GAS7: variants seen among roughly 807,000 people sequenced by gnomAD.
The protein encoded by GAS7 is growth arrest-specific protein 7.
A neutral mutation model predicts 71.1 loss-of-function variants in GAS7; 28 were observed. That is an observed-to-expected ratio of 0.39 (90% confidence interval 0.29 to 0.54). GAS7 has a LOEUF of 0.54. GAS7 is among the 20% of genes least tolerant of loss of function. GAS7 has a pLI of 0.62. For synonymous variants in GAS7, 258 were observed against 245.8 expected (o/e 1.05, Z -0.46); for missense variants, 436 against 627.8 (o/e 0.69, Z 3.27).
chr17:10,173,119 G>C (rs935338024), intron 1 of GAS7, among the ~76,000 whole-genome samples: 4 of 152,178 alleles, frequency 2.6e-5, no homozygotes, highest in African/African-American at 9.7e-5. Flanking sequence ...GAAACACCTA[G>C]AATAGGCAGA....
chr17:10,167,044 C>CTTTTTTTTTTTTT lies in GAS7; in HGVS notation c.183+31151_183+31163dup, dbSNP rs1164151104. ...AAACCAATCTACTATTTCCATTTGT[C>CTTTTTTTTTTTTT]TTTTTTTTTTTTTTTTTTTTTTTTT... On this transcript the variant is annotated intron_variant, in intron 1 of 13. Coordinates refer to ENST00000432992, the MANE Select transcript of GAS7 (RefSeq NM_201433.2). 4.4e-3 allele frequency among the ~76,000 whole-genome samples: 259 copies of CTTTTTTTTTTTTT among 58,806 alleles called. 50 individuals carry two copies. The highest frequency in any genetic ancestry group is 6.6e-3 in the East Asian group (13 of 1,966). The allele number at this position is 58,806 out of a possible 152,430, so 38.6% of individuals were successfully genotyped here.
rs1248260454 is a variant in GAS7, at chr17:9,926,528, C to G, written c.1014+113G>C. On this transcript the variant is annotated intron_variant, in intron 10 of 13. Coordinates refer to ENST00000432992, the MANE Select transcript of GAS7 (RefSeq NM_201433.2). This position sits in a 1 kb window ranked among gnomAD's most constrained non-coding sequence, Gnocchi z 5.0. The stretch of plus-strand genomic sequence containing the variant: ...CTTGGACATCCCCCTATTCCCCTAC[C>G]TGGGGACAAAGACTCAGCCTTGGCG... 4 of 1,158,238 alleles carry G rather than the reference C, an allele frequency of 3.5e-6. No homozygotes were observed. Among genetic ancestry groups the G allele is most frequent in the Non-Finnish European group, 5.0e-6 (4 of 795,210 alleles). The allele number at this position is 1,158,238 out of a possible 1,614,324, so 71.7% of individuals were successfully genotyped here. A position where few individuals can be genotyped will look rare whatever the true frequency, so the allele number is the denominator to read the frequency against.
chr17:9,973,533 C>A (rs1312090059), intron 3 of GAS7, among the ~76,000 whole-genome samples: 1 of 152,220 alleles, frequency 6.6e-6, no homozygotes, highest in Non-Finnish European at 1.5e-5. Context: ...GGATTACCGG[C>A]ATGAGCCACC....
chr17:10,150,448 ACAC>A (rs2142106870), intron 1 of GAS7, among the ~76,000 whole-genome samples: 1 of 144,600 alleles, frequency 6.9e-6, no homozygotes, highest in East Asian at 2.0e-4. Flanking sequence ...ACACACACAC[ACAC>A]AAAGTGTAAA....
chr17:10,082,921 T>C (rs1386626920), intron 1 of GAS7, among the ~76,000 whole-genome samples: 1 of 152,198 alleles, frequency 6.6e-6, no homozygotes, highest in Non-Finnish European at 1.5e-5. Flanking sequence ...TGTGAAACTC[T>C]AGAACAAACA....
intron 1 of GAS7, among the ~76,000 whole-genome samples, chr17:10,133,533 A>C (rs893811559): frequency 6.6e-6 from 1 of 152,186 alleles, no homozygotes; most frequent in African/African-American, 2.4e-5. Context: ...TAATCTACGC[A>C]TTACTCCACA....
At chr17:9,934,310 G>T (rs2152083661) in intron 8 of GAS7, 66 bp from the exon 9 acceptor site, 3 of 1,106,766 alleles carry the variant, frequency 2.7e-6, no homozygotes, top group Non-Finnish European at 4.1e-6. Flanking sequence ...GGATGGTGGG[G>T]CTCCACCCCA....
chr17:9,952,025 A>C (rs2069039839), intron 5 of GAS7, among the ~76,000 whole-genome samples: 1 of 152,116 alleles, frequency 6.6e-6, no homozygotes, highest in African/African-American at 2.4e-5. Context: ...GCTCCAAGCC[A>C]ACCACCTAAA....
At position 10,068,847 on chromosome 17, in the gene GAS7, G is replaced by C. The variant is rs191751056; in HGVS notation, c.184-48950C>G. Among the ~76,000 whole-genome samples, 10 of 152,238 alleles carry C rather than the reference G, an allele frequency of 6.6e-5. No individual in the cohort carries two copies. The East Asian group carries it at 7.7e-4, about 12-fold the overall frequency. On this transcript the variant is annotated intron_variant, in intron 1 of 13. Transcript: ENST00000432992. ...GACACAGAACCTGGGACAAGGTCCT[G>C]AGAAAACCAGGCGCAAGTTCAGGAG...
In GAS7 at chr17:10,037,631, C is replaced by G. The variant is rs115796321; in HGVS notation, c.184-17734G>C. ...AGCTAAGCTGTTGTTTTACTACATA[C>G]TAGCTCCAAGACCCTGGGCAACGGC... On this transcript the variant is annotated intron_variant, in intron 1 of 13. Coordinates refer to ENST00000432992, the MANE Select transcript of GAS7 (RefSeq NM_201433.2). 4.0e-3 allele frequency among the ~76,000 whole-genome samples: 613 copies of G among 151,714 alleles called. 2 individuals are homozygous for G. The highest frequency in any genetic ancestry group is 0.014 in the African/African-American group (582 of 41,306).
At chr17:10,126,354 A>ACG (rs1404308597) in intron 1 of GAS7, among the ~76,000 whole-genome samples, 3 of 126,004 alleles carry the variant, frequency 2.4e-5, no homozygotes, top group Non-Finnish European at 5.2e-5. Context: ...TCATACACTC[A>ACG]CACACACTCT....
At chr17:10,142,095 G>C (rs905995793) in intron 1 of GAS7, among the ~76,000 whole-genome samples, 3 of 151,976 alleles carry the variant, frequency 2.0e-5, no homozygotes, top group Admixed American at 2.0e-4. Flanking sequence ...GGGCGTGGTG[G>C]CAGGTGCCTG....
At chr17:10,085,707 A>AAG (rs1648212586) in intron 1 of GAS7, among the ~76,000 whole-genome samples, 1 of 129,790 alleles carries the variant, frequency 7.7e-6, no homozygotes, top group Non-Finnish European at 1.6e-5. Flanking sequence ...AAAAAAAAAA[A>AAG]AAGAAAGAAA....
chr17:10,185,497 C>A (rs937079096), intron 1 of GAS7, among the ~76,000 whole-genome samples: 4 of 152,190 alleles, frequency 2.6e-5, no homozygotes, highest in African/African-American at 9.7e-5. Context: ...CTTCAACTTG[C>A]AGAATGCACC....
intron 1 of GAS7, among the ~76,000 whole-genome samples, chr17:10,060,971 T>G (rs1252244624): frequency 6.6e-6 from 1 of 152,184 alleles, no homozygotes; most frequent in Non-Finnish European, 1.5e-5. Context: ...AGACCTCTGT[T>G]GTTTCCAAAG....
At chr17:10,173,025 T>C (rs752358813) in intron 1 of GAS7, among the ~76,000 whole-genome samples, 6 of 152,220 alleles carry the variant, frequency 3.9e-5, no homozygotes, top group Non-Finnish European at 7.3e-5. Flanking sequence ...CTGATACACG[T>C]CACTACGCAA....
intron 1 of GAS7, among the ~76,000 whole-genome samples, chr17:10,035,643 TCACAGCTGTA>T (rs2072730450): frequency 6.6e-6 from 1 of 152,148 alleles, no homozygotes; most frequent in Admixed American, 6.5e-5. Flanking sequence ...CCTGGACCTC[TCACAGCTGTA>T]CAGAGCCTCA....
intron 1 of GAS7, among the ~76,000 whole-genome samples, chr17:10,128,631 C>CTTT (rs113967374): frequency 7.0e-6 from 1 of 142,070 alleles, no homozygotes; most frequent in South Asian, 2.2e-4. Flanking sequence ...TTTCTTTTCT[C>CTTT]TTTTTTTTTT....
chr17:10,095,390 C>T (rs2073630211), intron 1 of GAS7, among the ~76,000 whole-genome samples: 1 of 152,154 alleles, frequency 6.6e-6, no homozygotes, highest in South Asian at 2.1e-4. Context: ...AATCACTGGG[C>T]CCTCGAACTC....
Sources: allele counts gnomAD v4.1 joint callset (sites outside exome capture counted in the v4.1 genomes callset), GRCh38; gene constraint gnomAD v4.1.1; non-coding constraint Gnocchi (gnomAD v3.1); transcripts MANE v1.5; gene names NCBI Gene and HGNC (gene_info 2026-07-23, HGNC 2026-07-21).